TCEA1: variants seen among roughly 807,000 people sequenced by gnomAD.
TCEA1 encodes transcription elongation factor A1.
A neutral mutation model predicts 43.8 loss-of-function variants in TCEA1; 21 were observed. That is an observed-to-expected ratio of 0.48 (90% confidence interval 0.34 to 0.69). The LOEUF is 0.69. Among genes scored for constraint, TCEA1 ranks in the 30% least tolerant of loss-of-function variants. The pLI, the probability that TCEA1 is intolerant of heterozygous loss-of-function variation, is 0.01. For missense variants in TCEA1, 250 were observed against 365.1 expected (o/e 0.68, Z 2.57); for synonymous variants, 104 against 117.5 (o/e 0.88, Z 0.75).
intron 7 of TCEA1, among the ~76,000 whole-genome samples, chr8:53,984,054 C>G (rs1466939481): frequency 6.6e-6 from 1 of 152,098 alleles, no homozygotes; most frequent in Non-Finnish European, 1.5e-5. Flanking sequence ...GGGCCAAGAT[C>G]GTGCCATTGC....
At chr8:53,999,755 CT>C (rs1235338395) in intron 3 of TCEA1, 189 bp downstream of exon 3, 2 of 453,734 alleles carry the variant, frequency 4.4e-6, no homozygotes, top group Non-Finnish European at 7.8e-6. Context: ...CCAAATTTGA[CT>C]GGCCTAAAAG....
intron 4 of TCEA1, 153 bp downstream of exon 4, chr8:53,993,514 AT>A (rs1033330155): frequency 2.4e-5 from 13 of 539,032 alleles, no homozygotes; most frequent in South Asian, 6.3e-5. Flanking sequence ...TGAAAAAAAA[AT>A]AAATTAGAAT....
At chr8:53,996,903 C>CTGTTTTTTTTTTTTTTTT (rs1804072546) in intron 3 of TCEA1, among the ~76,000 whole-genome samples, 1 of 116,626 alleles carries the variant, frequency 8.6e-6, no homozygotes, top group South Asian at 3.0e-4. Flanking sequence ...AGAAGGTTGT[C>CTGTTTTTTTTTTTTTTTT]TTTTTTTTTT....
chr8:53,995,192 C>T (rs531491784), intron 3 of TCEA1, among the ~76,000 whole-genome samples: 6 of 150,188 alleles, frequency 4.0e-5, no homozygotes, highest in African/African-American at 4.9e-5. Context: ...TCCCAGCTAA[C>T]GCTGAGGCAG....
intron 8 of TCEA1, chr8:53,974,085 G>A (rs1303863359): frequency 6.4e-6 from 1 of 155,164 alleles, no homozygotes; most frequent in Non-Finnish European, 1.4e-5. Flanking sequence ...GCTGAGGCAG[G>A]AGAATCATTT....
chr8:53,974,749 C>T (rs545974502), intron 8 of TCEA1, among the ~76,000 whole-genome samples: 81 of 152,240 alleles, frequency 5.3e-4, no homozygotes, highest in Non-Finnish European at 7.4e-4. Context: ...AGGCTGTTCT[C>T]AAGCTCCTGA....
At chr8:53,974,541 G>A (rs1351722225) in intron 8 of TCEA1, among the ~76,000 whole-genome samples, 1 of 141,490 alleles carries the variant, frequency 7.1e-6, no homozygotes, top group African/African-American at 2.5e-5. Flanking sequence ...GTGGGGGTGG[G>A]GGGGGGACGG....
chr8:53,988,272 C>T lies in TCEA1; in HGVS notation c.321-13G>A. ...GCCGCTGGAAGTACTGAAATACGCA[C>T]AAACACCCCAAAAAGAAATCAAGAA... On this transcript the variant is annotated splice_polypyrimidine_tract_variant and intron_variant, in intron 4 of 9. Coordinates refer to ENST00000521604, the MANE Select transcript of TCEA1 (RefSeq NM_006756.4). The T allele has an allele frequency of 6.2e-7, 1 of 1,606,988 alleles. No individual in the cohort carries two copies. Among genetic ancestry groups the T allele is most frequent in the Non-Finnish European group, 8.5e-7 (1 of 1,175,902 alleles).
intron 6 of TCEA1, 38 bp downstream of exon 6, chr8:53,986,931 T>G: frequency 6.7e-7 from 1 of 1,494,994 alleles, no homozygotes; most frequent in Non-Finnish European, 9.0e-7. Flanking sequence ...ATATTACTTA[T>G]TAAAAAAAAC....
intron 4 of TCEA1, among the ~76,000 whole-genome samples, chr8:53,988,941 C>T (rs1018493125): frequency 5.3e-5 from 8 of 151,938 alleles, no homozygotes; most frequent in South Asian, 4.2e-4. Flanking sequence ...TGGTGGCACA[C>T]GCCTGTAATC....
At chr8:53,973,546 C>A in intron 8 of TCEA1, 4 of 521,116 alleles carry the variant, frequency 7.7e-6, no homozygotes, top group South Asian at 1.7e-5. Context: ...AAGAAGAAAC[C>A]AAAATAGAAA....
chr8:53,973,243 CAAAG>C (rs1803219760), intron 8 of TCEA1: 2 of 472,800 alleles, frequency 4.2e-6, no homozygotes, highest in South Asian at 2.0e-5. Context: ...AAAAGAAAGA[CAAAG>C]AAAATGATAT....
chr8:54,016,097 G>A (rs1287588986), intron 1 of TCEA1, among the ~76,000 whole-genome samples: 2 of 152,194 alleles, frequency 1.3e-5, no homozygotes, highest in African/African-American at 4.8e-5. Flanking sequence ...AGCCACACTG[G>A]AAAGGTCTGG....
At chr8:54,015,067 G>C (rs1165118802) in intron 1 of TCEA1, among the ~76,000 whole-genome samples, 2 of 152,104 alleles carry the variant, frequency 1.3e-5, no homozygotes, top group African/African-American at 4.8e-5. Flanking sequence ...AGCATTTTCA[G>C]TGATCATATT....
intron 5 of TCEA1, 39 bp downstream of exon 5, chr8:53,988,075 G>A (rs779454848): frequency 1.3e-6 from 2 of 1,596,018 alleles, no homozygotes; most frequent in Non-Finnish European, 1.7e-6. Context: ...GTTGTGGGTG[G>A]TGACCAAAGG....
chr8:53,988,336 A>G, intron 4 of TCEA1, 77 bp from the exon 5 acceptor site: 1 of 1,511,012 alleles, frequency 6.6e-7, no homozygotes, highest in African/African-American at 1.4e-5. Flanking sequence ...TCATGCTGTA[A>G]AAACAAAATT....
At chr8:53,973,721 A>G (rs2129298776) in intron 8 of TCEA1, 1 of 565,500 alleles carries the variant, frequency 1.8e-6, no homozygotes, top group South Asian at 1.5e-5. Context: ...ACTTTGAGGT[A>G]AATGTTAGCA....
In TCEA1 at chr8:54,003,252, G is replaced by A. The variant is rs887738453; in HGVS notation, c.127-3202C>T. ...AAACAAAATTTTTAAATCTCATGTC[G>A]ATAGACCGGAAGACTTAAATGTTAA... On this transcript the variant is annotated intron_variant, in intron 2 of 9. Transcript: ENST00000521604. Among the ~76,000 whole-genome samples the A allele has an allele frequency of 3.9e-5, 6 of 152,192 alleles. No homozygotes were observed. The East Asian group carries it at 7.7e-4, about 20-fold the overall frequency.
At chr8:54,003,098 G>A (rs1223181395) in intron 2 of TCEA1, 1 of 455,762 alleles carries the variant, frequency 2.2e-6, no homozygotes, top group Non-Finnish European at 4.4e-6. Flanking sequence ...TAAATCTTAA[G>A]GTAAAAAACA....
Sources: allele counts gnomAD v4.1 joint callset (sites outside exome capture counted in the v4.1 genomes callset), GRCh38; gene constraint gnomAD v4.1.1; transcripts MANE v1.5; gene names NCBI Gene and HGNC (gene_info 2026-07-23, HGNC 2026-07-21).